The following TDRD1 variants were observed in gnomAD, a reference collection of about 807,000 sequenced individuals.
The protein encoded by TDRD1 is tudor domain containing 1, also known as tudor domain-containing protein 1.
A neutral mutation model predicts 140.6 loss-of-function variants in TDRD1; 37 were observed. The observed-to-expected ratio is 0.26, with a 90% confidence interval of 0.20 to 0.35. TDRD1 has a LOEUF of 0.35. Among genes scored for constraint, TDRD1 ranks in the 10% least tolerant of loss-of-function variants. TDRD1 has a pLI of 1.00. For synonymous variants in TDRD1, 506 were observed against 475.7 expected (o/e 1.06, Z -0.83); for missense variants, 1,243 against 1,393.0 (o/e 0.89, Z 1.71).
chr10:114,214,883 A>G (rs1274217416), intron 16 of TDRD1, among the ~76,000 whole-genome samples: 1 of 151,900 alleles, frequency 6.6e-6, no homozygotes. Context: ...GACTATAGGC[A>G]TGTGCCACCA....
chr10:114,190,910 A>G (rs754857028), intron 2 of TDRD1, 51 bp from the exon 3 acceptor site: 2 of 1,556,282 alleles, frequency 1.3e-6, no homozygotes, highest in African/African-American at 2.7e-5. Flanking sequence ...CATTATTAGC[A>G]ATAAAAAGTA....
intron 1 of TDRD1, among the ~76,000 whole-genome samples, chr10:114,183,589 T>A (rs1288286259): frequency 6.6e-6 from 1 of 152,108 alleles, no homozygotes; most frequent in Non-Finnish European, 1.5e-5. Flanking sequence ...AATATACAGG[T>A]TTTTTACTGC....
intron 3 of TDRD1, among the ~76,000 whole-genome samples, chr10:114,192,501 T>C (rs1336317633): frequency 6.6e-6 from 1 of 151,600 alleles, no homozygotes; most frequent in Non-Finnish European, 1.5e-5. Context: ...AGAGATGGGG[T>C]TTCACCGTGT....
chr10:114,224,952 G>T (rs1056756941), intron 21 of TDRD1, among the ~76,000 whole-genome samples: 2 of 152,190 alleles, frequency 1.3e-5, no homozygotes, highest in Non-Finnish European at 2.9e-5. Flanking sequence ...AGTGGGCAGG[G>T]GCTTTTCCAC....
At chr10:114,190,048 T>C (rs1203046997) in intron 2 of TDRD1, among the ~76,000 whole-genome samples, 2 of 152,190 alleles carry the variant, frequency 1.3e-5, no homozygotes, top group Non-Finnish European at 2.9e-5. Context: ...GAACATTAAG[T>C]ATTCCTCCTC....
At chr10:114,178,830 A>G (rs1036113954), upstream of TDRD1, among the ~76,000 whole-genome samples, 1 of 150,932 alleles carries the variant, frequency 6.6e-6, no homozygotes, top group Non-Finnish European at 1.5e-5. Flanking sequence ...TAGGCACACA[A>G]GGGTTCCCTT....
chr10:114,219,015 T>C (rs927939161), intron 18 of TDRD1, among the ~76,000 whole-genome samples: 2 of 152,192 alleles, frequency 1.3e-5, no homozygotes, highest in South Asian at 2.1e-4. Flanking sequence ...AAATGGATAA[T>C]GATAGTACTT....
chr10:114,208,896 C>T (rs1394879107), intron 11 of TDRD1, among the ~76,000 whole-genome samples: 1 of 151,926 alleles, frequency 6.6e-6, no homozygotes, highest in Non-Finnish European at 1.5e-5. Flanking sequence ...GCTTCAGCCT[C>T]CCAAGTGGCT....
chr10:114,210,944 A>C (rs1394965497), exon 13 of TDRD1: 1 of 1,614,050 alleles, frequency 6.2e-7, no homozygotes, highest in East Asian at 2.2e-5. Context: ...GCCATTGGTG[A>C]TATATGTTGT....
chr10:114,209,412 C>G (rs897340597), intron 11 of TDRD1, among the ~76,000 whole-genome samples: 5 of 152,194 alleles, frequency 3.3e-5, no homozygotes, highest in Non-Finnish European at 7.3e-5. Flanking sequence ...GTGCTCTTTC[C>G]ACCATTATGC....
At chr10:114,223,173 G>A (rs929996487) in intron 21 of TDRD1, among the ~76,000 whole-genome samples, 1 of 152,182 alleles carries the variant, frequency 6.6e-6, no homozygotes, top group Non-Finnish European at 1.5e-5. Flanking sequence ...ATTTGCTTCT[G>A]GGATCAAGGT....
chr10:114,212,180 C>T, intron 14 of TDRD1, 144 bp downstream of exon 14: 2 of 708,534 alleles, frequency 2.8e-6, no homozygotes, highest in South Asian at 4.8e-5. Flanking sequence ...TCATTTATCC[C>T]AAAGAAATCA....
intron 3 of TDRD1, among the ~76,000 whole-genome samples, chr10:114,195,580 C>G (rs2034287811): frequency 6.6e-6 from 1 of 152,122 alleles, no homozygotes; most frequent in South Asian, 2.1e-4. Context: ...TTTTCTTTCC[C>G]TGTAATCTGT....
intron 18 of TDRD1, among the ~76,000 whole-genome samples, chr10:114,220,253 G>A (rs575238351): frequency 6.6e-6 from 1 of 152,176 alleles, no homozygotes; most frequent in Non-Finnish European, 1.5e-5. Context: ...CAGCATAATG[G>A]TTAACTCATA....
intron 18 of TDRD1, 61 bp downstream of exon 18, chr10:114,218,645 G>T: frequency 8.7e-7 from 1 of 1,155,856 alleles, no homozygotes; most frequent in Non-Finnish European, 1.2e-6. Flanking sequence ...TAATCCAAGT[G>T]TTAATATCTA....
At chr10:114,204,133 T>C (rs2034948513) in exon 9 of TDRD1, 1 of 1,603,994 alleles carries the variant, frequency 6.2e-7, no homozygotes, top group African/African-American at 1.3e-5. Context: ...ACATGTCTTA[T>C]ATATTGATTA....
chr10:114,222,068 T>G, intron 20 of TDRD1, among the ~76,000 whole-genome samples: 1 of 152,190 alleles, frequency 6.6e-6, no homozygotes, highest in Admixed American at 6.5e-5. Flanking sequence ...AATGAAACTT[T>G]TGTTTCAAAT....
intron 18 of TDRD1, among the ~76,000 whole-genome samples, 171 bp downstream of exon 18, chr10:114,218,755 A>G (rs997515831): frequency 1.1e-4 from 17 of 152,216 alleles, no homozygotes; most frequent in Non-Finnish European, 2.4e-4. Context: ...GTGTTGTCAG[A>G]GTAGGGAAGC....
intron 16 of TDRD1, 45 bp downstream of exon 16, chr10:114,214,159 C>T (rs775940195): frequency 6.4e-7 from 1 of 1,563,530 alleles, no homozygotes; most frequent in East Asian, 2.2e-5. Flanking sequence ...AATACATTGG[C>T]ATAGATAATA....
Sources: gnomAD v4.1 joint callset for allele counts (sites outside exome capture counted in the v4.1 genomes callset) on GRCh38, gnomAD v4.1.1 for gene constraint, MANE v1.5 for transcripts, NCBI Gene and HGNC (gene_info 2026-07-23, HGNC 2026-07-21) for gene names.